Variants in RPH3A observed in about 807,000 individuals in gnomAD.
RPH3A encodes the protein rabphilin 3A, also known as rabphilin-3A.
In RPH3A, 48 loss-of-function variants were observed where a neutral mutation model predicts 102.2. That is an observed-to-expected ratio of 0.47 (90% CI 0.37 to 0.60). The LOEUF (loss-of-function observed/expected upper bound fraction) is 0.60, where lower values mean the gene tolerates loss of function less well. RPH3A is among the 20% of genes least tolerant of loss of function. RPH3A has a pLI of 0.00. For synonymous variants in RPH3A, 310 were observed against 324.3 expected (o/e 0.96, Z 0.47); for missense variants, 781 against 910.1 (o/e 0.86, Z 1.83).
At chr12:112,730,739 C>T (rs996715178) in intron 1 of RPH3A, among the ~76,000 whole-genome samples, 3 of 152,184 alleles carry the variant, frequency 2.0e-5, no homozygotes, top group Admixed American at 6.5e-5. Context: ...CTGGCCGAGA[C>T]GGTCAGTTAA....
intron 4 of RPH3A, among the ~76,000 whole-genome samples, chr12:112,843,155 T>C (rs1278090010): frequency 6.6e-6 from 1 of 152,194 alleles, no homozygotes; most frequent in Non-Finnish European, 1.5e-5. Context: ...GCAAGGGTCT[T>C]ATCCCAAGGA....
chr12:112,795,888 C>A (rs574913389), intron 2 of RPH3A, among the ~76,000 whole-genome samples: 15 of 152,214 alleles, frequency 9.9e-5, no homozygotes, highest in African/African-American at 3.6e-4. Flanking sequence ...GCAATCGGGG[C>A]GATGTTGGTG....
chr12:112,712,904 C>CTTCTTCTTCTTCTTCTTCT (rs2040475211), intron 1 of RPH3A, among the ~76,000 whole-genome samples: 1 of 92,566 alleles, frequency 1.1e-5, no homozygotes, highest in East Asian at 3.3e-4. Flanking sequence ...CTTCTTCTTC[C>CTTCTTCTTCTTCTTCTTCT]TCTTCTTCTT....
chr12:112,818,367 C>A (rs2041717912), intron 2 of RPH3A, among the ~76,000 whole-genome samples: 1 of 150,350 alleles, frequency 6.7e-6, no homozygotes, highest in African/African-American at 2.5e-5. Flanking sequence ...TCCATAGTAG[C>A]CCAAAAGGCT....
chr12:112,650,596 G>A (rs1171010490), intron 1 of RPH3A, among the ~76,000 whole-genome samples: 1 of 151,994 alleles, frequency 6.6e-6, no homozygotes, highest in Non-Finnish European at 1.5e-5. Flanking sequence ...TTTACAAAAT[G>A]TAACTTATGC....
chr12:112,799,329 T>A (rs4766655), intron 2 of RPH3A, among the ~76,000 whole-genome samples: 27,632 of 152,080 alleles, frequency 0.18, 3,283 homozygotes, highest in East Asian at 0.31. Flanking sequence ...CTGAGGCTAC[T>A]GTGAGCTGTG....
chr12:112,590,141 A>T (rs1186652543), intron 1 of RPH3A, among the ~76,000 whole-genome samples: 1 of 151,856 alleles, frequency 6.6e-6, no homozygotes, highest in South Asian at 2.1e-4. Context: ...GACTGCTTGC[A>T]TCATAGACTT....
In RPH3A at chr12:112,866,777, A is replaced by G. The variant is rs759821863; in HGVS notation, c.381A>G (p.Gly127=). 6.2e-7 allele frequency: 1 copy of G among 1,609,494 alleles called. No homozygotes were observed. Among genetic ancestry groups the G allele is most frequent in the South Asian group, 1.1e-5 (1 of 90,398 alleles). Residue 127 remains glycine, a synonymous_variant, in exon 7 of 22, where the codon GGA becomes GGG. Transcript: ENST00000389385. ...DCKKNVCTKC[G]VETNNRLHSV... The stretch of plus-strand genomic sequence containing the variant: ...CACAGAACGTCTGCACCAAGTGCGG[A>G]GTGGAGACCAACAACCGCCTGCATT...
intron 1 of RPH3A, among the ~76,000 whole-genome samples, chr12:112,654,785 T>G (rs748086321): frequency 6.6e-6 from 1 of 152,206 alleles, no homozygotes; most frequent in African/African-American, 2.4e-5. Context: ...CTGCTGTAAC[T>G]CCTTGATCCA....
At chr12:112,684,184 C>T (rs941811694) in intron 1 of RPH3A, among the ~76,000 whole-genome samples, 12 of 152,074 alleles carry the variant, frequency 7.9e-5, no homozygotes, top group East Asian at 1.9e-4. Context: ...TTCCAAATTG[C>T]GCTCCTAAAA....
intron 2 of RPH3A, among the ~76,000 whole-genome samples, chr12:112,796,072 C>G (rs963893246): frequency 1.3e-5 from 2 of 151,412 alleles, no homozygotes; most frequent in Non-Finnish European, 3.0e-5. Flanking sequence ...TGCTGCAGGT[C>G]CCCATAACTC....
chr12:112,593,516 C>G (rs2039493465), intron 1 of RPH3A, among the ~76,000 whole-genome samples: 1 of 152,132 alleles, frequency 6.6e-6, no homozygotes, highest in South Asian at 2.1e-4. Flanking sequence ...ACTGCACATC[C>G]ATGTCTAGAA....
chr12:112,822,999 G>A lies in RPH3A; in HGVS notation c.-18-5302G>A, dbSNP rs369828100. On this transcript the variant is annotated intron_variant, in intron 2 of 21. Transcript: ENST00000389385. ...GGAGTCTCTGGTTTCAGGAGAAGAA[G>A]TCATTTTATGCTTTTGAAGTTGCAG... Among the ~76,000 whole-genome samples, 20 of 152,342 alleles carry A rather than the reference G, an allele frequency of 1.3e-4. No homozygotes were observed. In the East Asian group the frequency reaches 3.5e-3, roughly 26 times the overall value.
chr12:112,591,923 G>A (rs2039481913), intron 1 of RPH3A, among the ~76,000 whole-genome samples: 1 of 152,124 alleles, frequency 6.6e-6, no homozygotes, highest in Non-Finnish European at 1.5e-5. Context: ...GTTGGTTCTA[G>A]GACCCCCTTG....
At chr12:112,642,140 A>G (rs1261700774) in intron 1 of RPH3A, among the ~76,000 whole-genome samples, 1 of 152,196 alleles carries the variant, frequency 6.6e-6, no homozygotes, top group South Asian at 2.1e-4. Flanking sequence ...TTTGTAAAAA[A>G]CAAACATAGC....
intron 1 of RPH3A, among the ~76,000 whole-genome samples, chr12:112,581,745 C>G (rs1384501177): frequency 6.8e-6 from 1 of 148,038 alleles, no homozygotes; most frequent in East Asian, 1.9e-4. Context: ...TTCCTTCCCT[C>G]TATACCATGC....
intron 1 of RPH3A, among the ~76,000 whole-genome samples, chr12:112,646,350 G>A (rs1397178678): frequency 1.3e-5 from 2 of 152,158 alleles, no homozygotes; most frequent in African/African-American, 4.8e-5. Context: ...GGCTCTCTCA[G>A]TTCTAGATGT....
chr12:112,894,693 A>T, intron 20 of RPH3A, 34 bp downstream of exon 20: 1 of 1,597,300 alleles, frequency 6.3e-7, no homozygotes, highest in Non-Finnish European at 8.6e-7. Flanking sequence ...ATGCTCTGGG[A>T]TATTTGCTGT....
intron 1 of RPH3A, among the ~76,000 whole-genome samples, chr12:112,768,077 A>G (rs1039586979): frequency 6.6e-6 from 1 of 152,192 alleles, no homozygotes; most frequent in Non-Finnish European, 1.5e-5. Flanking sequence ...AAAACAATTG[A>G]ATTGTACACT....
Sources: allele counts gnomAD v4.1 joint callset (sites outside exome capture counted in the v4.1 genomes callset), GRCh38; gene constraint gnomAD v4.1.1; transcripts MANE v1.5; gene names NCBI Gene and HGNC (gene_info 2026-07-23, HGNC 2026-07-21).